The following PRSS56 variants were observed in gnomAD, a reference collection of about 807,000 sequenced individuals.
The protein encoded by PRSS56 is protease, serine 56.
PRSS56 carries 55 observed loss-of-function variants against 66.8 expected under a neutral mutation model. That is an observed-to-expected ratio of 0.82 (90% CI 0.66 to 1.03). The LOEUF (loss-of-function observed/expected upper bound fraction) is 1.03, where lower values mean the gene tolerates loss of function less well. PRSS56 is among the 50% of genes least tolerant of loss of function. The pLI, the probability that PRSS56 is intolerant of heterozygous loss-of-function variation, is 0.00. For missense variants in PRSS56, 869 were observed against 837.2 expected (o/e 1.04, Z -0.47); for synonymous variants, 409 against 387.9 (o/e 1.05, Z -0.64).
chr2:232,522,769 G>A lies in PRSS56; in HGVS notation c.614G>A (p.Gly205Glu), dbSNP rs1370323285. ...VQLWTPVSPG[G>E]SARPVCLPQE... Reference sequence around the variant, plus strand: ...CTGTGGACGCCGGTGAGCCCGGGGGGATCGGCGCGCCCCGTGTGCCTGCCC... The same window carrying A: ...CTGTGGACGCCGGTGAGCCCGGGGGAATCGGCGCGCCCCGTGTGCCTGCCC... Residue 205 changes from glycine (G) to glutamate (E), a missense_variant, in exon 6 of 13, where the codon GGA becomes GAA. Around this residue, in one of 3 missense-constraint regions of PRSS56, gnomAD observed 315 missense variants for 313.7 expected, o/e 1.00. Coordinates refer to ENST00000617714, the MANE Select transcript of PRSS56 (RefSeq NM_001195129.2). 5 of 1,525,740 alleles carry A rather than the reference G, an allele frequency of 3.3e-6. No individual in the cohort carries two copies. Among genetic ancestry groups the A allele is most frequent in the East Asian group, 2.5e-5 (1 of 40,564 alleles). The allele number at this position is 1,525,740 out of a possible 1,614,324, so 94.5% of individuals were successfully genotyped here. A position where few individuals can be genotyped will look rare whatever the true frequency, so the allele number is the denominator to read the frequency against.
intron 7 of PRSS56, 74 bp from the exon 8 acceptor site, chr2:232,523,342 C>A: frequency 7.0e-7 from 1 of 1,424,082 alleles, no homozygotes; most frequent in Non-Finnish European, 9.2e-7. Context: ...AAGTGGCAAG[C>A]TCACACCTGC....
chr2:232,524,013 C>A, intron 9 of PRSS56, 26 bp from the exon 10 acceptor site: 1 of 1,525,240 alleles, frequency 6.6e-7, no homozygotes, highest in Non-Finnish European at 8.7e-7. Flanking sequence ...CTCTGACCGC[C>A]GCTCCGACTC....
rs1025793381 is a variant in PRSS56 at position 232,520,731 on chromosome 2, G to A, written c.97+36G>A. On this transcript the variant is annotated intron_variant, in intron 1 of 12. Coordinates refer to ENST00000617714, the MANE Select transcript of PRSS56 (RefSeq NM_001195129.2). ...GCTGGCCCGAGAGCCGCGGGGTTGGGAGGAATGTAGAGGAAGTGGGACCCT... is the reference window on the plus strand; with the variant it reads ...GCTGGCCCGAGAGCCGCGGGGTTGGAAGGAATGTAGAGGAAGTGGGACCCT... 4.4e-6 allele frequency: 6 copies of A among 1,374,586 alleles called. No homozygotes were observed. In the African/African-American group the frequency reaches 5.7e-5, roughly 13 times the overall value. 85.1% of individuals were successfully genotyped at this position (1,374,586 alleles called of 1,614,324 possible).
Position 232,525,553 on chromosome 2 carries a change from G to A in PRSS56, c.*47G>A, listed in dbSNP as rs1235511074. 4 of 1,406,548 alleles carry A rather than the reference G, an allele frequency of 2.8e-6. No homozygotes were observed. In the African/African-American group the frequency reaches 4.4e-5, roughly 15 times the overall value. 87.1% of individuals were successfully genotyped at this position (1,406,548 alleles called of 1,614,324 possible). ...CCTGGGGAGGACCTACTGCTCCCAG[G>A]GGCTGAGAGGGGTTCGGGAGCATAA... On this transcript the variant is annotated 3_prime_UTR_variant, in exon 13 of 13. Transcript: ENST00000617714.
intron 4 of PRSS56, 27 bp downstream of exon 4, chr2:232,522,187 A>C (rs1392980998): frequency 7.0e-7 from 1 of 1,436,468 alleles, no homozygotes; most frequent in African/African-American, 1.5e-5. Context: ...GGCCTTGCCC[A>C]GCTGGGGTCC....
chr2:232,523,503 T>G lies in PRSS56; in HGVS notation c.937T>G (p.Cys313Gly). ...LFGVTSWGDG[C>G]GEPGKPGVYT... ...CGGAGTCACCTCCTGGGGGGACGGCTGCGGGGAGCCAGGGAAGCCCGGGGT... is the reference window on the plus strand; with the variant it reads ...CGGAGTCACCTCCTGGGGGGACGGCGGCGGGGAGCCAGGGAAGCCCGGGGT... Residue 313 changes from cysteine (C) to glycine (G), a missense_variant, in exon 8 of 13, where the codon TGC becomes GGC. This residue lies in a region of PRSS56 where 551 missense variants were observed against 506.9 expected (regional missense o/e 1.09). Coordinates refer to ENST00000617714, the MANE Select transcript of PRSS56 (RefSeq NM_001195129.2). 1 of 1,531,944 alleles carries G rather than the reference T, an allele frequency of 6.5e-7. No homozygotes were observed. The highest frequency in any genetic ancestry group is 8.7e-7 in the Non-Finnish European group (1 of 1,145,060). 94.9% of individuals were successfully genotyped at this position (1,531,944 alleles called of 1,614,324 possible). A position where few individuals can be genotyped will look rare whatever the true frequency, so the allele number is the denominator to read the frequency against.
At position 232,523,463 on chromosome 2, in the gene PRSS56, T is replaced by C. The variant is rs1248847687; in HGVS notation, c.897T>C (p.Pro299=). ...CCTGTTCTGAGCCTGGCCCCCGCCC[T>C]AGAGAGGTCCTGTTCGGAGTCACCT... ...PLTCSEPGPR[P]REVLFGVTSW... Residue 299 remains proline (P), a synonymous_variant, in exon 8 of 13, where the codon CCT becomes CCC. Transcript: ENST00000617714. 4 of 1,516,954 alleles carry C rather than the reference T, an allele frequency of 2.6e-6. No homozygotes were observed. In the South Asian group the frequency reaches 3.7e-5, roughly 14 times the overall value. 94.0% of individuals were successfully genotyped at this position (1,516,954 alleles called of 1,614,324 possible).
chr2:232,523,900 G>C lies in PRSS56; in HGVS notation c.1141G>C (p.Ala381Pro). 1 of 1,519,862 alleles carries C rather than the reference G, an allele frequency of 6.6e-7. No individual in the cohort carries two copies. Among genetic ancestry groups the C allele is most frequent in the Non-Finnish European group, 8.8e-7 (1 of 1,138,904 alleles). The allele number at this position is 1,519,862 out of a possible 1,614,324, so 94.1% of individuals were successfully genotyped here. A position where few individuals can be genotyped will look rare whatever the true frequency, so the allele number is the denominator to read the frequency against. Residue 381 changes from alanine to proline, a missense_variant, in exon 9 of 13, where the codon GCG (alanine) becomes CCG (proline). Coordinates refer to ENST00000617714, the MANE Select transcript of PRSS56 (RefSeq NM_001195129.2). ...GTGCCCGGGGTCCCAGGGCGCCTGTGCGCGCCTGGCGCACCAGCAGTGCCT... is the reference window on the plus strand; with the variant it reads ...GTGCCCGGGGTCCCAGGGCGCCTGTCCGCGCCTGGCGCACCAGCAGTGCCT... The part of the protein sequence containing the change: ...RLCPGSQGAC[A>P]RLAHQQCLQR...
Position 232,524,824 on chromosome 2 carries a change from C to A in PRSS56, c.1501C>A (p.Leu501Met), listed in dbSNP as rs1347567747. The change falls in exon 12 of 13, where the codon CTG becomes ATG. Residue 501 changes from leucine to methionine, a missense_variant. Transcript: ENST00000617714. Reference sequence around the variant, plus strand: ...GATCCTGCAGGTCCCCTCGGAGCACCTGGCCATGAACTTTCATGAGGTAGG... The same window carrying A: ...GATCCTGCAGGTCCCCTCGGAGCACATGGCCATGAACTTTCATGAGGTAGG... ...AWILQVPSEH[L>M]AMNFHEVLAD... 6.5e-7 allele frequency: 1 copy of A among 1,535,586 alleles called. No individual in the cohort carries two copies. The highest frequency in any genetic ancestry group is 1.4e-5 in the African/African-American group (1 of 73,042).
Position 232,524,047 on chromosome 2 carries a change from T to G in PRSS56, c.1195T>G (p.Ser399Ala). The stretch of plus-strand genomic sequence containing the variant: ...TCCTGTCCGGTCCGCAGAGCTGCGC[T>G]CGCTGGCGCACACGCTGCTGGGCCT... ...LQRRRRCELRSLAHTLLGLLR... is the reference protein window; with the variant it reads ...LQRRRRCELRALAHTLLGLLR... Residue 399 changes from serine (S) to alanine (A), a missense_variant, in exon 10 of 13, where the codon TCG becomes GCG. Coordinates refer to ENST00000617714, the MANE Select transcript of PRSS56 (RefSeq NM_001195129.2). 1 of 1,524,532 alleles carries G rather than the reference T, an allele frequency of 6.6e-7. No homozygotes were observed. The highest frequency in any genetic ancestry group is 8.7e-7 in the Non-Finnish European group (1 of 1,142,900). 94.4% of individuals were successfully genotyped at this position (1,524,532 alleles called of 1,614,324 possible). A position where few individuals can be genotyped will look rare whatever the true frequency, so the allele number is the denominator to read the frequency against.
At chr2:232,521,646 C>T (rs543828634) in intron 2 of PRSS56, among the ~76,000 whole-genome samples, 170 bp from the exon 3 acceptor site, 1 of 152,374 alleles carries the variant, frequency 6.6e-6, no homozygotes, top group South Asian at 2.1e-4. Flanking sequence ...GGCGGAAACA[C>T]TCTGGGCTCC....
Position 232,521,307 on chromosome 2 carries a change from C to T in PRSS56, c.98-14C>T, listed in dbSNP as rs1451960526. The stretch of plus-strand genomic sequence containing the variant: ...CCCCAACCACGCATGATTGTGTGCC[C>T]CCTGTCCCAGCAGTTCTGTCGGCCC... On this transcript the variant is annotated splice_polypyrimidine_tract_variant and intron_variant, in intron 1 of 12. Transcript: ENST00000617714. 12 of 1,530,818 alleles carry T rather than the reference C, an allele frequency of 7.8e-6. No homozygotes were observed. The highest frequency in any genetic ancestry group is 2.4e-5 in the South Asian group (2 of 83,962). The allele number at this position is 1,530,818 out of a possible 1,614,324, so 94.8% of individuals were successfully genotyped here. A position where few individuals can be genotyped will look rare whatever the true frequency, so the allele number is the denominator to read the frequency against.
In PRSS56 at chr2:232,525,507, G is replaced by A. The variant is rs1458088059; in HGVS notation, c.*1G>A. On this transcript the variant is annotated 3_prime_UTR_variant, in exon 13 of 13. Coordinates refer to ENST00000617714, the MANE Select transcript of PRSS56 (RefSeq NM_001195129.2). ...GGTACCCCCCGCCAGGCAACCCTGA[G>A]CCATGTCTGGGCCCCCAGCCCCTGG... 1 of 1,470,090 alleles carries A rather than the reference G, an allele frequency of 6.8e-7. No homozygotes were observed. Among genetic ancestry groups the A allele is most frequent in the African/African-American group, 1.4e-5 (1 of 70,956 alleles). 91.1% of individuals were successfully genotyped at this position (1,470,090 alleles called of 1,614,324 possible).
At chr2:232,523,606 C>A in intron 8 of PRSS56, 28 bp downstream of exon 8, 1 of 1,505,586 alleles carries the variant, frequency 6.6e-7, no homozygotes, top group Non-Finnish European at 8.8e-7. Context: ...AATGCCCCGT[C>A]CCCAGTGCCC....
chr2:232,525,142 A>G, intron 12 of PRSS56, 74 bp from the exon 13 acceptor site: 1 of 1,360,272 alleles, frequency 7.4e-7, no homozygotes, highest in Non-Finnish European at 9.7e-7. Flanking sequence ...GCCCAGGGGG[A>G]GAGGGGGTGA....
rs1160394872 is a variant in PRSS56 at position 232,522,582 on chromosome 2, G to A, written c.514G>A (p.Val172Met). ...GTCCCGGGGGGAGCAAGCGGAGGAG[G>A]TGCCAGTGAACCGCATCCTGCCCCA... ...EGSRGEQAEEVPVNRILPHPK... is the reference protein window; with the variant it reads ...EGSRGEQAEEMPVNRILPHPK... The change falls in exon 5 of 13, where the codon GTG becomes ATG. Residue 172 changes from valine to methionine, a missense_variant. This residue lies in a region of PRSS56 where 315 missense variants were observed against 313.7 expected (regional missense o/e 1.00). Coordinates refer to ENST00000617714, the MANE Select transcript of PRSS56 (RefSeq NM_001195129.2). The A allele has an allele frequency of 1.3e-6, 2 of 1,535,106 alleles. No individual in the cohort carries two copies. Among genetic ancestry groups the A allele is most frequent in the Admixed American group, 2.0e-5 (1 of 50,958 alleles).
Position 232,522,790 on chromosome 2 carries a change from TGCCCCAGGA to T in PRSS56, c.650_658del (p.Gln217_Pro219del), listed in dbSNP as rs1256006596. On this transcript the variant is annotated inframe_deletion, in exon 6 of 13. Coordinates refer to ENST00000617714, the MANE Select transcript of PRSS56 (RefSeq NM_001195129.2). Reference sequence around the variant, plus strand: ...GGGGGATCGGCGCGCCCCGTGTGCCTGCCCCAGGAGCCCCAGGAGCCCCCTGCCGGAACC... The same window carrying T: ...GGGGGATCGGCGCGCCCCGTGTGCCTGCCCCAGGAGCCCCCTGCCGGAACC... 2.6e-5 allele frequency: 39 copies of T among 1,514,156 alleles called. No homozygotes were observed. Among genetic ancestry groups the T allele is most frequent in the Admixed American group, 4.1e-5 (2 of 49,352 alleles). 93.8% of individuals were successfully genotyped at this position (1,514,156 alleles called of 1,614,324 possible).
chr2:232,523,660 C>T, intron 8 of PRSS56, 82 bp downstream of exon 8: 1 of 1,511,564 alleles, frequency 6.6e-7, no homozygotes, highest in Non-Finnish European at 8.8e-7. Context: ...CCGGCCCATG[C>T]CCATTCCCAG....
rs1691405834 is a variant in PRSS56 at position 232,525,415 on chromosome 2, G to C, written c.1721G>C (p.Gly574Ala). The C allele has an allele frequency of 6.5e-7, 1 of 1,534,096 alleles. No homozygotes were observed. The highest frequency in any genetic ancestry group is 1.4e-5 in the African/African-American group (1 of 72,986). The change falls in exon 13 of 13, where the codon GGA (glycine) becomes GCA (alanine). Residue 574 changes from glycine (G) to alanine (A), a missense_variant. Around this residue, in one of 3 missense-constraint regions of PRSS56, gnomAD observed 551 missense variants for 506.9 expected, o/e 1.09. Transcript: ENST00000617714. The part of the protein sequence containing the change: ...VAALAEGEPE[G>A]PWMDVGQGPG... Reference sequence around the variant, plus strand: ...GCCCTGGCAGAAGGGGAGCCCGAGGGACCCTGGATGGATGTAGGGCAGGGG... The same window carrying C: ...GCCCTGGCAGAAGGGGAGCCCGAGGCACCCTGGATGGATGTAGGGCAGGGG...
Sources: allele counts gnomAD v4.1 joint callset (sites outside exome capture counted in the v4.1 genomes callset), GRCh38; gene constraint gnomAD v4.1.1; regional missense constraint gnomAD v4.1.1; transcripts MANE v1.5; gene names NCBI Gene and HGNC (gene_info 2026-07-23, HGNC 2026-07-21).